CCNQ: variants seen among roughly 807,000 people sequenced by gnomAD.
CCNQ encodes the protein cyclin-Q.
CCNQ carries 3 observed loss-of-function variants against 17.7 expected under a neutral mutation model. That is an observed-to-expected ratio of 0.17 (90% CI 0.08 to 0.44). The LOEUF (loss-of-function observed/expected upper bound fraction) is 0.44, where lower values mean the gene tolerates loss of function less well. CCNQ is among the 20% of genes least tolerant of loss of function. The probability of loss-of-function intolerance (pLI) is 0.99; values close to 1 mark genes in which losing one functional copy is unlikely to be tolerated. For missense variants in CCNQ, 146 were observed against 222.6 expected (o/e 0.66, Z 2.19); for synonymous variants, 73 against 96.0 (o/e 0.76, Z 1.40).
intron 3 of CCNQ, 53 bp from the exon 4 acceptor site, chrX:153,592,786 T>C (rs1041040921): frequency 5.6e-6 from 6 of 1,072,402 alleles, no homozygotes; most frequent in Non-Finnish European, 7.7e-6. Context: ...CTCCTCATGC[T>C]GACATAATCA....
At chrX:153,598,410 C>T (rs2091043063) in intron 1 of CCNQ, among the ~76,000 whole-genome samples, 1 of 104,454 alleles carries the variant, frequency 9.6e-6, no homozygotes, top group Admixed American at 9.7e-5. Context: ...AGCGAGACTC[C>T]GTCTCGAAAA....
At chrX:153,597,220 T>C (rs2148303113) in intron 1 of CCNQ, among the ~76,000 whole-genome samples, 1 of 112,033 alleles carries the variant, frequency 8.9e-6, no homozygotes, top group South Asian at 3.7e-4. Context: ...GAAATGACAG[T>C]CAGCATCCTC....
rs146203325 is a variant in CCNQ, at chrX:153,592,529, C to T, written c.634G>A (p.Glu212Lys). 8.2e-7 allele frequency: 1 copy of T among 1,212,163 alleles called. No homozygotes were observed. The highest frequency in any genetic ancestry group is 1.1e-6 in the Non-Finnish European group (1 of 895,497). Reference sequence around the variant, plus strand: ...ACCTGCCACCACGGCTTCTCAGCCTCGACCTCGGCGGGCACCTCAACTCCG... The same window carrying T: ...ACCTGCCACCACGGCTTCTCAGCCTTGACCTCGGCGGGCACCTCAACTCCG... Reference protein sequence around the residue: ...VYGVEVPAEVEAEKPWWQVFN... With the variant: ...VYGVEVPAEVKAEKPWWQVFN... Residue 212 changes from glutamate (E) to lysine (K), a missense_variant, in exon 4 of 5, where the codon GAG becomes AAG. Transcript: ENST00000576892.
intron 4 of CCNQ, among the ~76,000 whole-genome samples, chrX:153,589,475 A>C (rs909858479): frequency 8.9e-6 from 1 of 112,990 alleles, no homozygotes; most frequent in African/African-American, 3.2e-5. Context: ...CCTTGTAATA[A>C]ACCGGAACTG....
At position 153,588,426 on chromosome X, in the gene CCNQ, A is replaced by T; in HGVS notation, c.686T>A (p.Ile229Asn). The T allele has an allele frequency of 8.3e-7, 1 of 1,209,404 alleles. No homozygotes were observed. The highest frequency in any genetic ancestry group is 1.1e-6 in the Non-Finnish European group (1 of 893,099). ...GAGATCAGACACAATATTATCAATG[A>T]TTGGCTTGGTAAGGTCGTCATTAAA... is the stretch of plus-strand genomic sequence containing the variant. ...QVFNDDLTKPIIDNIVSDLIQ... is the reference protein window; with the variant it reads ...QVFNDDLTKPNIDNIVSDLIQ... Residue 229 changes from isoleucine (I) to asparagine (N), a missense_variant, in exon 5 of 5, where the codon ATC (isoleucine) becomes AAC (asparagine). Transcript: ENST00000576892.
At chrX:153,594,936 C>A (rs782571286) in intron 2 of CCNQ, among the ~76,000 whole-genome samples, 1 of 112,267 alleles carries the variant, frequency 8.9e-6, no homozygotes, top group East Asian at 2.8e-4. Context: ...TATCATTCAG[C>A]AAAATGTCAA....
intron 3 of CCNQ, among the ~76,000 whole-genome samples, chrX:153,593,995 G>A (rs2091009807): frequency 8.8e-6 from 1 of 113,163 alleles, no homozygotes; most frequent in South Asian, 3.6e-4. Context: ...CCAGAGCATC[G>A]TGTGCCAGTC....
chrX:153,589,252 A>G (rs2090974613), intron 4 of CCNQ, among the ~76,000 whole-genome samples: 1 of 112,954 alleles, frequency 8.9e-6, no homozygotes, highest in Non-Finnish European at 1.9e-5. Flanking sequence ...ATGCCCATGC[A>G]GCCCACCACC....
chrX:153,597,727 T>C (rs2091037829), intron 1 of CCNQ: 2 of 111,957 alleles, frequency 1.8e-5, no homozygotes, highest in Admixed American at 1.9e-4. Flanking sequence ...CAAAGGATTG[T>C]GTAATACATT....
At chrX:153,589,656 T>C (rs2090977515) in intron 4 of CCNQ, among the ~76,000 whole-genome samples, 1 of 112,408 alleles carries the variant, frequency 8.9e-6, no homozygotes, top group African/African-American at 3.2e-5. Flanking sequence ...GGGGAACCAA[T>C]GTACCAATCA....
chrX:153,597,924 C>T (rs185570404), intron 1 of CCNQ, among the ~76,000 whole-genome samples: 82 of 110,921 alleles, frequency 7.4e-4, no homozygotes, highest in African/African-American at 2.6e-3. Context: ...GGTGTCACTG[C>T]CATCCTTCCC....
At position 153,594,540 on chromosome X, in the gene CCNQ, T is replaced by C. The variant is rs782788324; in HGVS notation, c.429+7A>G. 8.3e-7 allele frequency: 1 copy of C among 1,208,824 alleles called. No individual in the cohort carries two copies. Among genetic ancestry groups the C allele is most frequent in the Non-Finnish European group, 1.1e-6 (1 of 895,035 alleles). On this transcript the variant is annotated splice_region_variant and intron_variant, in intron 3 of 4. Coordinates refer to ENST00000576892, the MANE Select transcript of CCNQ (RefSeq NM_152274.5). Reference sequence around the variant, plus strand: ...CTCCAAACAGGCACCAGTTCCCCAGTATGTACCTTGTGTGGATGCTGGAAG... The same window carrying C: ...CTCCAAACAGGCACCAGTTCCCCAGCATGTACCTTGTGTGGATGCTGGAAG...
At chrX:153,588,967 G>A (rs2090972579) in intron 4 of CCNQ, among the ~76,000 whole-genome samples, 1 of 113,182 alleles carries the variant, frequency 8.8e-6, no homozygotes, top group African/African-American at 3.2e-5. Context: ...CATCCTCGGG[G>A]CCCATGGCAG....
chrX:153,597,798 C>T (rs1275023049), intron 1 of CCNQ: 4 of 111,192 alleles, frequency 3.6e-5, no homozygotes, highest in African/African-American at 1.3e-4. Context: ...CTACCTGGGA[C>T]CCCTCATTCC....
At chrX:153,591,723 G>A (rs1557025834) in intron 4 of CCNQ, among the ~76,000 whole-genome samples, 1 of 110,642 alleles carries the variant, frequency 9.0e-6, no homozygotes. Flanking sequence ...ACTGCCTTGG[G>A]GACAGGGTGC....
At chrX:153,590,379 G>T (rs1028352379) in intron 4 of CCNQ, among the ~76,000 whole-genome samples, 1 of 110,798 alleles carries the variant, frequency 9.0e-6, no homozygotes, top group Admixed American at 9.6e-5. Context: ...CTGAGACGGG[G>T]GCTCCAACAT....
rs2294105 is a variant in CCNQ at position 153,595,968 on chromosome X, C to T, written c.296+36G>A. ...AGCCTTCCCTGCCCGTCCCCCCCAC[C>T]GGGTGGAGATCAGGAGCCCAGCCAA... On this transcript the variant is annotated intron_variant, in intron 2 of 4. Coordinates refer to ENST00000576892, the MANE Select transcript of CCNQ (RefSeq NM_152274.5). 3.7e-4 allele frequency: 444 copies of T among 1,205,859 alleles called. 1 individual carries two copies. In the East Asian group the frequency reaches 6.8e-3, roughly 18 times the overall value.
rs1603156694 is a variant in CCNQ at position 153,592,355 on chromosome X, G to A, written c.657+151C>T. 5.2e-6 allele frequency: 3 copies of A among 573,867 alleles called. No individual in the cohort carries two copies. The East Asian group carries it at 1.1e-4, about 21-fold the overall frequency. The allele number at this position is 573,867 out of a possible 1,213,427, so 47.3% of individuals were successfully genotyped here. A position where few individuals can be genotyped will look rare whatever the true frequency, so the allele number is the denominator to read the frequency against. ...GTGCCGAGGGGGAGAGCCTGTCCCA[G>A]GCCATCGCAACAGGGTACTTTCGAG... On this transcript the variant is annotated intron_variant, in intron 4 of 4. Transcript: ENST00000576892.
rs928052423 is a variant in CCNQ at position 153,596,135 on chromosome X, G to A, written c.165C>T (p.Tyr55=). The change falls in exon 2 of 5, where the codon TAC becomes TAT. Residue 55 remains tyrosine, a synonymous_variant. Transcript: ENST00000576892. ...SIPIATACTI[Y]HKFFCETNLD... ...GGTTGGTCTCGCAAAAGAACTTATG[G>A]TAAATGGTGCAAGCAGTGGCAATGG... 1 of 1,210,877 alleles carries A rather than the reference G, an allele frequency of 8.3e-7. No homozygotes were observed. The highest frequency in any genetic ancestry group is 1.7e-5 in the African/African-American group (1 of 57,379).
Sources: gnomAD v4.1 joint callset for allele counts (sites outside exome capture counted in the v4.1 genomes callset) on GRCh38, gnomAD v4.1.1 for gene constraint, MANE v1.5 for transcripts, NCBI Gene and HGNC (gene_info 2026-07-23, HGNC 2026-07-21) for gene names.